SHLD2: variants seen among roughly 807,000 people sequenced by gnomAD.
The protein encoded by SHLD2 is shieldin complex subunit 2.
Under a neutral mutation model 73.2 loss-of-function variants are expected in SHLD2, and 30 were observed. The ratio of observed to expected loss-of-function variants is 0.41; its 90% confidence interval spans 0.31 to 0.56. SHLD2 has a LOEUF of 0.56. SHLD2 is among the 20% of genes least tolerant of loss of function. SHLD2 has a pLI of 0.28. For missense variants in SHLD2, 745 were observed against 1,055.9 expected, an observed-to-expected ratio of 0.71 and a Z score of 4.08; for synonymous variants, 285 against 370.1, an observed-to-expected ratio of 0.77 and a Z score of 2.64.
At chr10:87,108,121 C>T (rs1255893950) in intron 2 of SHLD2, among the ~76,000 whole-genome samples, 1 of 152,112 alleles carries the variant, frequency 6.6e-6, no homozygotes, top group Non-Finnish European at 1.5e-5. Flanking sequence ...GTGATCTTGG[C>T]TCACTGCAAC....
At chr10:87,155,235 G>T (rs1589590448) in intron 3 of SHLD2, among the ~76,000 whole-genome samples, 1 of 152,298 alleles carries the variant, frequency 6.6e-6, no homozygotes, top group South Asian at 2.1e-4. Flanking sequence ...GCACCCGGCC[G>T]AGTACAATCT....
At chr10:87,186,868 GAATA>G (rs1388138820) in intron 8 of SHLD2, among the ~76,000 whole-genome samples, 3 of 150,882 alleles carry the variant, frequency 2.0e-5, no homozygotes, top group African/African-American at 7.3e-5. Context: ...AATGGATATA[GAATA>G]AATAAAATGT....
At chr10:87,110,299 GTAAA>G (rs1283902385) in intron 2 of SHLD2, among the ~76,000 whole-genome samples, 1 of 147,980 alleles carries the variant, frequency 6.8e-6, no homozygotes, top group Non-Finnish European at 1.5e-5. Flanking sequence ...CTCAAAATAA[GTAAA>G]TAAATAAATA....
At chr10:87,148,603 C>T (rs1284673396) in intron 2 of SHLD2, among the ~76,000 whole-genome samples, 3 of 149,542 alleles carry the variant, frequency 2.0e-5, no homozygotes, top group African/African-American at 2.5e-5. Context: ...TGTAGCTGAG[C>T]GTGACAGTAT....
intron 2 of SHLD2, among the ~76,000 whole-genome samples, chr10:87,147,568 T>C: frequency 6.6e-6 from 1 of 152,032 alleles, no homozygotes. Flanking sequence ...AAGCGGTAAA[T>C]GTCGTATACA....
At chr10:87,188,036 G>A (rs1160605775) in intron 9 of SHLD2, among the ~76,000 whole-genome samples, 1 of 152,208 alleles carries the variant, frequency 6.6e-6, no homozygotes, top group East Asian at 1.9e-4. Flanking sequence ...CTGGGCCTCA[G>A]AGAAAGTTTC....
intron 2 of SHLD2, among the ~76,000 whole-genome samples, chr10:87,126,760 C>G (rs1844041043): frequency 1.3e-5 from 2 of 152,118 alleles, no homozygotes; most frequent in Admixed American, 1.3e-4. Context: ...GGTGCTTAAA[C>G]TTTAGTTGTC....
intron 3 of SHLD2, 135 bp from the exon 4 acceptor site, chr10:87,157,913 G>T: frequency 1.6e-6 from 1 of 607,008 alleles, no homozygotes; most frequent in African/African-American, 1.9e-5. Context: ...CGTGCCTTTA[G>T]GCAGGTTATT....
chr10:87,157,904 G>T, intron 3 of SHLD2, 144 bp from the exon 4 acceptor site: 1 of 532,414 alleles, frequency 1.9e-6, no homozygotes. Flanking sequence ...TTCTTATTTC[G>T]TGCCTTTAGG....
intron 2 of SHLD2, among the ~76,000 whole-genome samples, chr10:87,143,685 T>C (rs1284260688): frequency 1.3e-5 from 2 of 152,122 alleles, no homozygotes; most frequent in African/African-American, 2.4e-5. Flanking sequence ...TCTTCATTAA[T>C]AGAATATTTA....
At chr10:87,153,958 G>T (rs1018714145) in intron 3 of SHLD2, 4 of 151,906 alleles carry the variant, frequency 2.6e-5, no homozygotes, top group African/African-American at 9.7e-5. Context: ...AAGTGCAGTG[G>T]GTACTCACGG....
intron 7 of SHLD2, among the ~76,000 whole-genome samples, chr10:87,179,562 T>C (rs1848174653): frequency 6.6e-6 from 1 of 152,148 alleles, no homozygotes; most frequent in Admixed American, 6.5e-5. Context: ...CCACCGCGCC[T>C]GGCTAATTTT....
chr10:87,190,965 G>C lies in SHLD2; in HGVS notation c.*282G>C. ...CTGGGAATTAAAGGTTTGCCCATTT[G>C]TTCACTGTATTTAGTCCCTGCTACA... On this transcript the variant is annotated 3_prime_UTR_variant, in exon 10 of 10. Coordinates refer to ENST00000298786, the MANE Select transcript of SHLD2 (RefSeq NM_001330112.2). 2.2e-6 allele frequency: 1 copy of C among 451,948 alleles called. No homozygotes were observed. Among genetic ancestry groups the C allele is most frequent in the African/African-American group, 2.0e-5 (1 of 50,606 alleles). The allele number at this position is 451,948 out of a possible 1,614,324, so 28.0% of individuals were successfully genotyped here.
chr10:87,176,674 T>C (rs1847970906), intron 7 of SHLD2, among the ~76,000 whole-genome samples: 1 of 152,266 alleles, frequency 6.6e-6, no homozygotes. Context: ...AAATGCCAGA[T>C]TAAAATGTTA....
intron 9 of SHLD2, among the ~76,000 whole-genome samples, 162 bp downstream of exon 9, chr10:87,187,362 G>C (rs943282302): frequency 2.6e-5 from 4 of 152,220 alleles, no homozygotes; most frequent in Admixed American, 1.3e-4. Context: ...TAAGTTAGAA[G>C]GTTGACTTGC....
intron 6 of SHLD2, 112 bp from the exon 7 acceptor site, chr10:87,175,777 A>G: frequency 1.1e-6 from 1 of 942,820 alleles, no homozygotes; most frequent in Non-Finnish European, 1.6e-6. Flanking sequence ...CAAATTCTTT[A>G]GTGATAAAAG....
chr10:87,142,269 TA>T (rs1307790143), intron 2 of SHLD2, among the ~76,000 whole-genome samples: 4 of 152,232 alleles, frequency 2.6e-5, no homozygotes, highest in African/African-American at 9.6e-5. Flanking sequence ...ATTCTTTTCA[TA>T]CCTCTTTAGA....
chr10:87,150,631 C>T (rs1845946349), intron 2 of SHLD2, among the ~76,000 whole-genome samples: 1 of 151,340 alleles, frequency 6.6e-6, no homozygotes, highest in Non-Finnish European at 1.5e-5. Flanking sequence ...CGTGGTGGCA[C>T]AGACTGTAAT....
intron 6 of SHLD2, among the ~76,000 whole-genome samples, chr10:87,173,960 A>G (rs1442994510): frequency 6.6e-6 from 1 of 152,178 alleles, no homozygotes; most frequent in Non-Finnish European, 1.5e-5. Context: ...ATTGATAGAG[A>G]AGATATGGGA....
Sources: allele counts gnomAD v4.1 joint callset (sites outside exome capture counted in the v4.1 genomes callset), GRCh38; gene constraint gnomAD v4.1.1; transcripts MANE v1.5; gene names NCBI Gene and HGNC (gene_info 2026-07-23, HGNC 2026-07-21).